Variants in FAM184B observed in about 807,000 individuals in gnomAD.
The protein encoded by FAM184B is protein FAM184B.
In FAM184B, 111 loss-of-function variants were observed where a neutral mutation model predicts 135.9. That is an observed-to-expected ratio of 0.82 (90% CI 0.70 to 0.96). The LOEUF (loss-of-function observed/expected upper bound fraction) is 0.96. FAM184B is among the 40% of genes least tolerant of loss of function. The pLI, the probability that FAM184B is intolerant of heterozygous loss-of-function variation, is 0.00. For synonymous variants in FAM184B, 552 were observed against 524.8 expected (o/e 1.05, Z -0.71); for missense variants, 1,375 against 1,323.9 (o/e 1.04, Z -0.60).
intron 1 of FAM184B, among the ~76,000 whole-genome samples, chr4:17,710,557 A>G (rs1717244574): frequency 6.6e-6 from 1 of 152,202 alleles, no homozygotes; most frequent in Admixed American, 6.5e-5. Context: ...CAGCCTCATA[A>G]GGCACATCTA....
intron 7 of FAM184B, among the ~76,000 whole-genome samples, chr4:17,670,831 C>T (rs1046307344): frequency 6.6e-6 from 1 of 152,172 alleles, no homozygotes; most frequent in Admixed American, 6.5e-5. Context: ...CTCCCATCCA[C>T]GTAATTCCAT....
At chr4:17,670,699 A>G (rs559041180) in intron 7 of FAM184B, among the ~76,000 whole-genome samples, 3 of 152,370 alleles carry the variant, frequency 2.0e-5, no homozygotes, top group South Asian at 4.1e-4. Context: ...TGAAGTAGCC[A>G]GGAAAGGCAC....
intron 1 of FAM184B, among the ~76,000 whole-genome samples, chr4:17,755,490 G>C (rs1474420676): frequency 6.6e-6 from 1 of 152,234 alleles, no homozygotes; most frequent in Non-Finnish European, 1.5e-5. Context: ...CATTGTGGAA[G>C]ACAGCGTGGT....
chr4:17,698,996 G>T (rs925342949), intron 5 of FAM184B, among the ~76,000 whole-genome samples: 2 of 151,942 alleles, frequency 1.3e-5, no homozygotes, highest in African/African-American at 2.4e-5. Context: ...AATGTTAAAG[G>T]AACATTTATA....
intron 4 of FAM184B, 46 bp downstream of exon 4, chr4:17,705,706 A>C: frequency 1.9e-6 from 3 of 1,547,764 alleles, no homozygotes; most frequent in Non-Finnish European, 2.6e-6. Context: ...ATAGATAGCA[A>C]AGCTCTCTGT....
intron 11 of FAM184B, among the ~76,000 whole-genome samples, chr4:17,649,821 T>TATCCACCTGTCCATCC (rs932934239): frequency 7.2e-5 from 11 of 151,768 alleles, no homozygotes; most frequent in African/African-American, 2.4e-4. Context: ...TCCATCCTTC[T>TATCCACCTGTCCATCC]ATCCACCTGT....
chr4:17,688,460 T>C lies in FAM184B; in HGVS notation c.1560A>G (p.Glu520=). The C allele has an allele frequency of 1.9e-6, 3 of 1,551,272 alleles. No individual in the cohort carries two copies. The highest frequency in any genetic ancestry group is 2.6e-6 in the Non-Finnish European group (3 of 1,146,884). Residue 520 remains glutamate (E), a synonymous_variant, in exon 7 of 18, where the codon GAA becomes GAG. Coordinates refer to ENST00000265018, the MANE Select transcript of FAM184B (RefSeq NM_015688.2). The part of the protein sequence containing the change: ...RPTGAEESPQ[E]LGRQHCSILE... Reference sequence around the variant, plus strand: ...GAATGCTGCAGTGCTGGCGGCCTAATTCCTGGGGACTTTCCTCAGCTCCTG... The same window carrying C: ...GAATGCTGCAGTGCTGGCGGCCTAACTCCTGGGGACTTTCCTCAGCTCCTG...
At chr4:17,682,391 G>A (rs1041376230) in intron 7 of FAM184B, among the ~76,000 whole-genome samples, 13 of 152,160 alleles carry the variant, frequency 8.5e-5, no homozygotes, top group African/African-American at 3.1e-4. Context: ...CCCACGTTTG[G>A]CAGCCTTCTC....
Position 17,639,353 on chromosome 4 carries a change from C to T in FAM184B, c.2563G>A (p.Glu855Lys). 2 of 1,551,758 alleles carry T rather than the reference C, an allele frequency of 1.3e-6. No individual in the cohort carries two copies. The highest frequency in any genetic ancestry group is 1.7e-6 in the Non-Finnish European group (2 of 1,147,008). The change falls in exon 14 of 18, where the codon GAG becomes AAG. Residue 855 changes from glutamate to lysine, a missense_variant. Glu to Lys is a moderately conservative substitution (Grantham distance 56, BLOSUM62 1). Coordinates refer to ENST00000265018, the MANE Select transcript of FAM184B (RefSeq NM_015688.2). Reference sequence around the variant, plus strand: ...TTCCGGTGTTCCTGGCGCAGTGTCTCCACCTCCCTGGCCCGCTGGGCTTGC... The same window carrying T: ...TTCCGGTGTTCCTGGCGCAGTGTCTTCACCTCCCTGGCCCGCTGGGCTTGC... ...TQQAQRAREV[E>K]TLRQEHRKEM...
chr4:17,720,883 T>TAA (rs59409749), intron 1 of FAM184B, among the ~76,000 whole-genome samples: 6 of 100,328 alleles, frequency 6.0e-5, no homozygotes, highest in Non-Finnish European at 8.0e-5. Flanking sequence ...AGACTTCATC[T>TAA]AAAAAAAAAA....
chr4:17,719,387 T>C (rs1717468893), intron 1 of FAM184B, among the ~76,000 whole-genome samples: 1 of 152,218 alleles, frequency 6.6e-6, no homozygotes, highest in South Asian at 2.1e-4. Context: ...CGACAAATAA[T>C]TTAAAACTTA....
chr4:17,672,547 G>A (rs939393460), intron 7 of FAM184B, among the ~76,000 whole-genome samples: 1 of 152,088 alleles, frequency 6.6e-6, no homozygotes, highest in Non-Finnish European at 1.5e-5. Context: ...ATTGAGGTAT[G>A]TCCTTTGTAT....
intron 7 of FAM184B, among the ~76,000 whole-genome samples, chr4:17,673,691 A>T (rs1333046266): frequency 3.3e-5 from 5 of 152,192 alleles, no homozygotes; most frequent in Non-Finnish European, 7.4e-5. Flanking sequence ...ATATGTTCTC[A>T]TTCATAAGTG....
intron 7 of FAM184B, among the ~76,000 whole-genome samples, chr4:17,673,454 G>A (rs1716223994): frequency 2.6e-5 from 4 of 152,050 alleles, no homozygotes; most frequent in African/African-American, 7.2e-5. Context: ...TATGAAAAGG[G>A]TACTTGCACA....
chr4:17,663,232 C>T (rs142303380), intron 8 of FAM184B, among the ~76,000 whole-genome samples: 212 of 152,316 alleles, frequency 1.4e-3, no homozygotes, highest in Admixed American at 5.8e-3. Context: ...CCACCATGCC[C>T]GGCCTCACAT....
intron 5 of FAM184B, among the ~76,000 whole-genome samples, chr4:17,693,829 T>C (rs2108958894): frequency 6.6e-6 from 1 of 152,286 alleles, no homozygotes; most frequent in East Asian, 1.9e-4. Context: ...ATGGTGTGGT[T>C]AGCCGGGTAT....
rs1714871266 is a variant in FAM184B, at chr4:17,629,772, A to G, written c.*2760T>C. On this transcript the variant is annotated 3_prime_UTR_variant, in exon 18 of 18. Transcript: ENST00000265018. ...TGATGGAATCATTATGCAAACTAAA[A>G]TAGAATGTTTTATCTATCAAATTGT... 1 of 152,202 alleles carries G rather than the reference A, an allele frequency of 6.6e-6. No homozygotes were observed. The highest frequency in any genetic ancestry group is 1.5e-5 in the Non-Finnish European group (1 of 68,038). 9.4% of individuals were successfully genotyped at this position (152,202 alleles called of 1,614,324 possible).
chr4:17,713,973 G>A (rs1012259364), intron 1 of FAM184B, among the ~76,000 whole-genome samples: 11 of 152,156 alleles, frequency 7.2e-5, no homozygotes, highest in Non-Finnish European at 1.0e-4. Context: ...CAGAGGAAGC[G>A]GTCTGGGAGG....
intron 10 of FAM184B, among the ~76,000 whole-genome samples, chr4:17,655,743 G>A (rs1169592783): frequency 6.6e-6 from 1 of 152,166 alleles, no homozygotes; most frequent in Non-Finnish European, 1.5e-5. Context: ...CTGCGTGATG[G>A]CAGCTCGTGG....
Sources: allele counts gnomAD v4.1 joint callset (sites outside exome capture counted in the v4.1 genomes callset), GRCh38; gene constraint gnomAD v4.1.1; transcripts MANE v1.5; gene names NCBI Gene and HGNC (gene_info 2026-07-23, HGNC 2026-07-21).